Variants in PRICKLE1 observed in about 807,000 individuals in gnomAD.
PRICKLE1 encodes prickle-like protein 1.
Under a neutral mutation model 70.2 loss-of-function variants are expected in PRICKLE1, and 14 were observed. The observed-to-expected ratio is 0.20, with a 90% confidence interval of 0.13 to 0.31. The LOEUF (loss-of-function observed/expected upper bound fraction) is 0.31, where lower values mean the gene tolerates loss of function less well. PRICKLE1 is among the 10% of genes least tolerant of loss of function. The probability of loss-of-function intolerance (pLI) is 1.00; values close to 1 mark genes in which losing one functional copy is unlikely to be tolerated. For synonymous variants in PRICKLE1, 357 were observed against 379.9 expected (o/e 0.94, Z 0.70); for missense variants, 821 against 1,026.2 (o/e 0.80, Z 2.73).
chr12:42,491,094 C>T (rs535013356), intron 1 of PRICKLE1, among the ~76,000 whole-genome samples: 1 of 149,040 alleles, frequency 6.7e-6, no homozygotes, highest in Non-Finnish European at 1.5e-5. Context: ...AGGCTGGTCT[C>T]GAACTCCTGA....
Position 42,465,453 on chromosome 12 carries a change from T to C in PRICKLE1, c.776-195A>G. 2.7e-5 allele frequency: 16 copies of C among 601,822 alleles called. No homozygotes were observed. The South Asian group carries it at 3.4e-4, about 13-fold the overall frequency. 37.3% of individuals were successfully genotyped at this position (601,822 alleles called of 1,614,324 possible). ...CTACTCATAAAAATTTATTCACAAC[T>C]CCCAAACTAATATTCGCAACAGTTT... On this transcript the variant is annotated intron_variant, in intron 6 of 7. Coordinates refer to ENST00000345127, the MANE Select transcript of PRICKLE1 (RefSeq NM_153026.3).
chr12:42,584,178 G>A (rs1940949598), intron 1 of PRICKLE1, among the ~76,000 whole-genome samples: 1 of 151,972 alleles, frequency 6.6e-6, no homozygotes, highest in Non-Finnish European at 1.5e-5. Flanking sequence ...TATTCTTATT[G>A]AGATCTCTCT....
intron 1 of PRICKLE1, among the ~76,000 whole-genome samples, chr12:42,570,432 AC>A (rs1017120993): frequency 1.3e-4 from 20 of 152,192 alleles, no homozygotes; most frequent in African/African-American, 4.1e-4. Context: ...TCTAGAAAAC[AC>A]CTAGTTTATT....
intron 1 of PRICKLE1, among the ~76,000 whole-genome samples, chr12:42,566,971 C>T (rs928138911): frequency 6.6e-6 from 1 of 152,180 alleles, no homozygotes; most frequent in Non-Finnish European, 1.5e-5. Context: ...GAAAATAAAA[C>T]ATATGAGGGG....
At chr12:42,528,750 ATG>A (rs1939857445) in intron 1 of PRICKLE1, among the ~76,000 whole-genome samples, 1 of 152,212 alleles carries the variant, frequency 6.6e-6, no homozygotes, top group Non-Finnish European at 1.5e-5. Flanking sequence ...CTCACAGTCA[ATG>A]CTCAAAAAAT....
chr12:42,504,122 G>A (rs1052948229), intron 1 of PRICKLE1, among the ~76,000 whole-genome samples: 7 of 152,120 alleles, frequency 4.6e-5, no homozygotes, highest in Non-Finnish European at 7.3e-5. Flanking sequence ...GAAGAAGAGC[G>A]AGGTCTGAGG....
At chr12:42,461,722 G>A (rs1937843703) in intron 7 of PRICKLE1, among the ~76,000 whole-genome samples, 1 of 152,164 alleles carries the variant, frequency 6.6e-6, no homozygotes, top group South Asian at 2.1e-4. Context: ...GATATAATAG[G>A]ACCCAGGCAT....
At chr12:42,508,293 A>C (rs530836201) in intron 1 of PRICKLE1, among the ~76,000 whole-genome samples, 1 of 152,188 alleles carries the variant, frequency 6.6e-6, no homozygotes. Context: ...TAACCTTAGC[A>C]CAACATCCCT....
At position 42,494,075 on chromosome 12, in the gene PRICKLE1, AC is replaced by A. The variant is rs145000835; in HGVS notation, c.-48-21512del. Among the ~76,000 whole-genome samples the A allele has an allele frequency of 4.9e-3, 739 of 152,348 alleles. 4 individuals are homozygous for A. The highest frequency in any genetic ancestry group is 0.017 in the African/African-American group (703 of 41,574). ...GTGCAACAGCACAATGTCTAAAAAA[AC>A]AATGTACATACCTTAATTAAAAATA... On this transcript the variant is annotated intron_variant, in intron 1 of 7. Transcript: ENST00000345127.
chr12:42,462,146 T>C (rs1937870655), intron 7 of PRICKLE1, among the ~76,000 whole-genome samples: 2 of 152,130 alleles, frequency 1.3e-5, no homozygotes, highest in South Asian at 4.1e-4. Context: ...CAGCTTATTA[T>C]TGTCAAGGAA....
At chr12:42,498,666 G>A (rs1047990605) in intron 1 of PRICKLE1, among the ~76,000 whole-genome samples, 2 of 152,122 alleles carry the variant, frequency 1.3e-5, no homozygotes, top group East Asian at 1.9e-4. Flanking sequence ...CAAAACCTTC[G>A]TGAGATAAAA....
At chr12:42,500,535 C>T (rs935894) in intron 1 of PRICKLE1, among the ~76,000 whole-genome samples, 26,446 of 152,044 alleles carry the variant, frequency 0.17, 3,055 homozygotes, top group African/African-American at 0.31. Flanking sequence ...TTGTGTGTAA[C>T]GCATTCTACT....
chr12:42,584,888 C>T (rs116162308), intron 1 of PRICKLE1, among the ~76,000 whole-genome samples: 349 of 152,190 alleles, frequency 2.3e-3, no homozygotes, highest in African/African-American at 7.7e-3. Context: ...ATCTTTCTTC[C>T]GGAGACCCAA....
At chr12:42,563,684 C>G (rs1940567919) in intron 1 of PRICKLE1, among the ~76,000 whole-genome samples, 1 of 102,954 alleles carries the variant, frequency 9.7e-6, no homozygotes, top group Non-Finnish European at 1.7e-5. Flanking sequence ...GCCTGGGTGA[C>G]AGAGCAAGAC....
chr12:42,473,166 T>C (rs1938390873), intron 1 of PRICKLE1, among the ~76,000 whole-genome samples: 1 of 152,274 alleles, frequency 6.6e-6, no homozygotes, highest in Admixed American at 6.5e-5. Flanking sequence ...TAAATCCTTA[T>C]ACTGCACATT....
chr12:42,520,131 G>A (rs543372024), intron 1 of PRICKLE1, among the ~76,000 whole-genome samples: 3 of 152,132 alleles, frequency 2.0e-5, no homozygotes, highest in South Asian at 4.2e-4. Flanking sequence ...TCTTTTTCTG[G>A]TAAAAAGCAC....
rs371414543 is a variant in PRICKLE1 at position 42,529,721 on chromosome 12, G to A, written c.-48-57157C>T. 9.9e-4 allele frequency among the ~76,000 whole-genome samples: 151 copies of A among 151,990 alleles called. 2 individuals carry two copies. In the South Asian group the frequency reaches 0.03, roughly 30 times the overall value. The stretch of plus-strand genomic sequence containing the variant: ...ACCAGCCTGGCCAACGTGGTAAAAC[G>A]CCATCTCTACTAAAAATACAAAAAA... On this transcript the variant is annotated intron_variant, in intron 1 of 7. Transcript: ENST00000345127.
At chr12:42,578,165 A>G (rs529717927) in intron 1 of PRICKLE1, among the ~76,000 whole-genome samples, 29 of 152,344 alleles carry the variant, frequency 1.9e-4, no homozygotes, top group African/African-American at 5.0e-4. Context: ...TCTTAATAGG[A>G]AAACAGACTC....
intron 1 of PRICKLE1, among the ~76,000 whole-genome samples, chr12:42,512,733 C>CT (rs1939537351): frequency 6.6e-6 from 1 of 151,622 alleles, no homozygotes; most frequent in African/African-American, 2.4e-5. Flanking sequence ...TCTCGGCTCA[C>CT]TGCAACCTCT....
Sources: gnomAD v4.1 joint callset for allele counts (sites outside exome capture counted in the v4.1 genomes callset) on GRCh38, gnomAD v4.1.1 for gene constraint, MANE v1.5 for transcripts, NCBI Gene and HGNC (gene_info 2026-07-23, HGNC 2026-07-21) for gene names.